Variants in NTN1 observed in about 807,000 individuals in gnomAD.
NTN1 encodes the protein netrin 1, also known as netrin-1.
In NTN1, 11 loss-of-function variants were observed where a neutral mutation model predicts 54.2. That is an observed-to-expected ratio of 0.20 (90% CI 0.13 to 0.34). The LOEUF is 0.34. Ranked by LOEUF, NTN1 falls within the 10% of genes least tolerant of loss-of-function variation. The pLI, the probability that NTN1 is intolerant of heterozygous loss-of-function variation, is 1.00. For missense variants in NTN1, 740 were observed against 893.1 expected (o/e 0.83, Z 2.18); for synonymous variants, 371 against 382.0 (o/e 0.97, Z 0.33).
chr17:9,076,857 C>T (rs192025801), intron 2 of NTN1, among the ~76,000 whole-genome samples: 2 of 152,348 alleles, frequency 1.3e-5, no homozygotes, highest in African/African-American at 4.8e-5. Context: ...CACATGCCTC[C>T]ACCCAGGATG....
At chr17:9,046,254 C>T (rs890430931) in intron 2 of NTN1, among the ~76,000 whole-genome samples, 4 of 152,098 alleles carry the variant, frequency 2.6e-5, no homozygotes, top group African/African-American at 4.8e-5. Context: ...TGTTTTTCCA[C>T]AGAAGATACA....
Position 9,063,854 on chromosome 17 carries a change from C to A in NTN1, c.1018+40463C>A, listed in dbSNP as rs113928584. 1.2e-3 allele frequency among the ~76,000 whole-genome samples: 178 copies of A among 148,216 alleles called. 2 individuals carry two copies. Among genetic ancestry groups the A allele is most frequent in the African/African-American group, 4.3e-3 (174 of 40,312 alleles). On this transcript the variant is annotated intron_variant, in intron 2 of 6. Transcript: ENST00000173229. ...TGAGCCCCAAAGATTTTTTTTTTAG[C>A]CAAGGCAGATGCATGCCTTGAGGAA...
At chr17:9,091,028 G>T (rs1432663956) in intron 2 of NTN1, among the ~76,000 whole-genome samples, 3 of 152,196 alleles carry the variant, frequency 2.0e-5, no homozygotes, top group Non-Finnish European at 4.4e-5. Context: ...CTGGCTGCCA[G>T]GCGGAGGACT....
chr17:9,237,015 C>T (rs1210109640), intron 6 of NTN1, among the ~76,000 whole-genome samples: 1 of 152,330 alleles, frequency 6.6e-6, no homozygotes, highest in South Asian at 2.1e-4. Flanking sequence ...TTTCTCTAGC[C>T]TCTTCTCAGC....
At chr17:9,184,191 C>G (rs1348737573) in intron 5 of NTN1, among the ~76,000 whole-genome samples, 1 of 152,214 alleles carries the variant, frequency 6.6e-6, no homozygotes, top group East Asian at 1.9e-4. Flanking sequence ...CCACAGCCAG[C>G]AAACAGGAAA....
chr17:9,202,619 T>C lies in NTN1; in HGVS notation c.1412-18549T>C, dbSNP rs867953267. Among the ~76,000 whole-genome samples, 75 of 152,230 alleles carry C rather than the reference T, an allele frequency of 4.9e-4. 1 individual carries two copies. The highest frequency in any genetic ancestry group is 1.4e-3 in the African/African-American group (59 of 41,502). ...TGTGGGTTGAGTGGTTCCCCATAAA[T>C]AGGGTTCCCAGAAACCTGAGACACA... On this transcript the variant is annotated intron_variant, in intron 5 of 6. Coordinates refer to ENST00000173229, the MANE Select transcript of NTN1 (RefSeq NM_004822.3).
chr17:9,215,759 T>A (rs1905205174), intron 5 of NTN1, among the ~76,000 whole-genome samples: 2 of 152,198 alleles, frequency 1.3e-5, no homozygotes, highest in Admixed American at 6.5e-5. Context: ...TTTCTTGTCC[T>A]GGTATTTCAT....
chr17:9,186,603 C>T (rs2092433536), intron 5 of NTN1, among the ~76,000 whole-genome samples: 1 of 152,218 alleles, frequency 6.6e-6, no homozygotes, highest in South Asian at 2.1e-4. Flanking sequence ...CTGCCAAGGG[C>T]ACCCTTGCAC....
chr17:9,029,722 G>A (rs920096651), intron 2 of NTN1, among the ~76,000 whole-genome samples: 2 of 152,204 alleles, frequency 1.3e-5, no homozygotes, highest in East Asian at 3.8e-4. Flanking sequence ...GGCCGGGCGC[G>A]GTGGCTCACG....
rs74542838 is a variant in NTN1 at position 9,081,563 on chromosome 17, C to A, written c.1018+58172C>A. ...TCCTCCACCCCCAAACCCACCTGCC[C>A]CACCCGTCCACACATCCTGCCATGA... On this transcript the variant is annotated intron_variant, in intron 2 of 6. Coordinates refer to ENST00000173229, the MANE Select transcript of NTN1 (RefSeq NM_004822.3). Among the ~76,000 whole-genome samples the A allele has an allele frequency of 1.1e-4, 17 of 152,304 alleles. No homozygotes were observed. The East Asian group carries it at 3.1e-3, about 28-fold the overall frequency.
At chr17:9,190,131 T>C (rs1051670026) in intron 5 of NTN1, among the ~76,000 whole-genome samples, 2 of 152,200 alleles carry the variant, frequency 1.3e-5, no homozygotes, top group South Asian at 2.1e-4. Flanking sequence ...ATCAGTTTTA[T>C]GATAATGGAA....
At chr17:9,196,882 CTCACACCTGT>C (rs891153309) in intron 5 of NTN1, among the ~76,000 whole-genome samples, 19 of 152,170 alleles carry the variant, frequency 1.2e-4, no homozygotes, top group Non-Finnish European at 2.4e-4. Context: ...TTGGAGCCGG[CTCACACCTGT>C]TCACACCTGC....
chr17:9,161,531 G>GCC (rs2092357022), intron 2 of NTN1, among the ~76,000 whole-genome samples: 1 of 152,144 alleles, frequency 6.6e-6, no homozygotes, highest in South Asian at 2.1e-4. Flanking sequence ...TATCATCCCA[G>GCC]CACTTTGGGA....
At chr17:9,203,679 T>C (rs941417442) in intron 5 of NTN1, among the ~76,000 whole-genome samples, 1 of 151,946 alleles carries the variant, frequency 6.6e-6, no homozygotes, top group African/African-American at 2.4e-5. Context: ...GGTGGGCGCC[T>C]GTAATCCCAG....
chr17:9,085,396 A>G (rs1197418695), intron 2 of NTN1, among the ~76,000 whole-genome samples: 1 of 152,210 alleles, frequency 6.6e-6, no homozygotes, highest in Non-Finnish European at 1.5e-5. Context: ...AGTGGAAGTT[A>G]CGCGTGTCAT....
Position 9,226,421 on chromosome 17 carries a change from C to T in NTN1, c.1486+5179C>T, listed in dbSNP as rs553890799. Among the ~76,000 whole-genome samples, 6 of 143,144 alleles carry T rather than the reference C, an allele frequency of 4.2e-5. No homozygotes were observed. In the South Asian group the frequency reaches 1.1e-3, roughly 27 times the overall value. 93.9% of individuals were successfully genotyped at this position (143,144 alleles called of 152,430 possible). On this transcript the variant is annotated intron_variant, in intron 6 of 6. Transcript: ENST00000173229. ...CTAAGGGGTGGGGGCCGTGGGGAGG[C>T]GGTCTCGTGGGGAGGCGGTCTCGTG...
chr17:9,097,650 A>C (rs2092136289), intron 2 of NTN1, among the ~76,000 whole-genome samples: 1 of 151,968 alleles, frequency 6.6e-6, no homozygotes, highest in Non-Finnish European at 1.5e-5. Flanking sequence ...AAACAAAAAA[A>C]CCCCAAACAG....
At chr17:9,138,305 C>T (rs1408431966) in intron 2 of NTN1, among the ~76,000 whole-genome samples, 1 of 152,196 alleles carries the variant, frequency 6.6e-6, no homozygotes, top group East Asian at 1.9e-4. Flanking sequence ...CTCAAATAGA[C>T]CTCATAATGG....
At chr17:9,161,677 G>C (rs916899931) in intron 2 of NTN1, among the ~76,000 whole-genome samples, 2 of 152,054 alleles carry the variant, frequency 1.3e-5, no homozygotes, top group African/African-American at 4.8e-5. Flanking sequence ...ACTTAGGAGG[G>C]TGAGGCAAGA....
Sources: allele counts gnomAD v4.1 joint callset (sites outside exome capture counted in the v4.1 genomes callset), GRCh38; gene constraint gnomAD v4.1.1; transcripts MANE v1.5; gene names NCBI Gene and HGNC (gene_info 2026-07-23, HGNC 2026-07-21).